Variants in NAALADL2 observed in about 807,000 individuals in gnomAD.
The protein encoded by NAALADL2 is inactive N-acetylated-alpha-linked acidic dipeptidase-like protein 2.
A neutral mutation model predicts 87.2 loss-of-function variants in NAALADL2; 76 were observed. That is an observed-to-expected ratio of 0.87 (90% CI 0.72 to 1.05). NAALADL2 has a LOEUF of 1.05. NAALADL2 is among the 50% of genes least tolerant of loss of function. The pLI, the probability that NAALADL2 is intolerant of heterozygous loss-of-function variation, is 0.00. For synonymous variants in NAALADL2, 354 were observed against 331.0 expected (o/e 1.07, Z -0.75); for missense variants, 1,089 against 945.8 (o/e 1.15, Z -1.99).
intron 1 of NAALADL2, among the ~76,000 whole-genome samples, chr3:174,918,941 T>C (rs1734776335): frequency 6.6e-6 from 1 of 151,806 alleles, no homozygotes; most frequent in South Asian, 2.1e-4. Context: ...ATAAAGCAAA[T>C]ATTACAATAA....
chr3:175,325,459 C>G (rs1424183662), intron 5 of NAALADL2, among the ~76,000 whole-genome samples: 1 of 152,220 alleles, frequency 6.6e-6, no homozygotes, highest in Non-Finnish European at 1.5e-5. Context: ...AGGCATCTAT[C>G]TACAATTTCT....
chr3:175,223,108 G>A (rs982110472), intron 2 of NAALADL2, among the ~76,000 whole-genome samples: 1 of 151,532 alleles, frequency 6.6e-6, no homozygotes, highest in Non-Finnish European at 1.5e-5. Flanking sequence ...GTGTGTGTGT[G>A]TGTGTGTGTG....
At chr3:175,707,882 A>C (rs902620266) in intron 11 of NAALADL2, among the ~76,000 whole-genome samples, 2 of 152,084 alleles carry the variant, frequency 1.3e-5, no homozygotes, top group African/African-American at 4.8e-5. Context: ...GATGGAAAGA[A>C]AAACTGTGGG....
intron 2 of NAALADL2, among the ~76,000 whole-genome samples, chr3:175,148,327 A>G (rs1216737619): frequency 6.6e-6 from 1 of 151,004 alleles, no homozygotes; most frequent in African/African-American, 2.4e-5. Flanking sequence ...TTCTTTATAG[A>G]CTCTGGATAT....
At chr3:175,160,434 C>A (rs1733017984) in intron 2 of NAALADL2, among the ~76,000 whole-genome samples, 2 of 133,866 alleles carry the variant, frequency 1.5e-5, no homozygotes, top group African/African-American at 5.4e-5. Context: ...TGCTCCGCAA[C>A]CTCCACCTCC....
intron 10 of NAALADL2, among the ~76,000 whole-genome samples, chr3:175,620,638 G>A (rs1193611421): frequency 6.6e-6 from 1 of 152,152 alleles, no homozygotes; most frequent in Non-Finnish European, 1.5e-5. Context: ...GAGGGGGTGT[G>A]TTACAGCTCT....
chr3:175,356,567 C>G (rs1219889447), intron 5 of NAALADL2, among the ~76,000 whole-genome samples: 5 of 92,992 alleles, frequency 5.4e-5, no homozygotes, highest in African/African-American at 7.4e-5. Flanking sequence ...AGAGCAAGAC[C>G]CTGTGTCAAA....
At chr3:175,068,383 A>G (rs1478135899) in intron 1 of NAALADL2, among the ~76,000 whole-genome samples, 2 of 152,172 alleles carry the variant, frequency 1.3e-5, no homozygotes, top group African/African-American at 4.8e-5. Context: ...GGGTGATATG[A>G]GAGAAGAAAT....
At chr3:174,858,468 T>A (rs905287621), upstream of NAALADL2, among the ~76,000 whole-genome samples, 1 of 152,082 alleles carries the variant, frequency 6.6e-6, no homozygotes, top group African/African-American at 2.4e-5. Flanking sequence ...TAAGTTAATA[T>A]TCACCATGCT....
At chr3:175,765,440 G>A (rs1748564169) in intron 13 of NAALADL2, among the ~76,000 whole-genome samples, 1 of 151,904 alleles carries the variant, frequency 6.6e-6, no homozygotes, top group South Asian at 2.1e-4. Flanking sequence ...TTAGAACAAA[G>A]AACATACCTC....
At chr3:175,330,854 A>G (rs917248750) in intron 5 of NAALADL2, among the ~76,000 whole-genome samples, 1 of 152,160 alleles carries the variant, frequency 6.6e-6, no homozygotes, top group Non-Finnish European at 1.5e-5. Flanking sequence ...ACAAAACAGC[A>G]ATAAACAGAA....
chr3:175,770,167 T>G (rs1749296213), intron 13 of NAALADL2, among the ~76,000 whole-genome samples: 1 of 152,202 alleles, frequency 6.6e-6, no homozygotes, highest in South Asian at 2.1e-4. Flanking sequence ...CACGTAAAAT[T>G]AATCATCACA....
At chr3:174,575,917 T>G (rs1715477698) in intron 2 of NAALADL2, among the ~76,000 whole-genome samples, 1 of 152,098 alleles carries the variant, frequency 6.6e-6, no homozygotes, top group Admixed American at 6.6e-5. Flanking sequence ...CAGGCTGGAG[T>G]GCAATGTGCG....
chr3:174,825,118 A>T (rs1721841035), intron 3 of NAALADL2, among the ~76,000 whole-genome samples: 1 of 152,174 alleles, frequency 6.6e-6, no homozygotes, highest in Non-Finnish European at 1.5e-5. Flanking sequence ...AACCAGTAGG[A>T]TATGTACAGA....
At chr3:174,678,985 G>A (rs1323581979) in intron 2 of NAALADL2, among the ~76,000 whole-genome samples, 3 of 152,054 alleles carry the variant, frequency 2.0e-5, no homozygotes, top group African/African-American at 4.8e-5. Flanking sequence ...TCTGCAGATA[G>A]TATCTTTCTT....
intron 3 of NAALADL2, among the ~76,000 whole-genome samples, chr3:174,820,306 A>G (rs1223986475): frequency 6.6e-6 from 1 of 152,192 alleles, no homozygotes; most frequent in African/African-American, 2.4e-5. Context: ...GATTTGTAAA[A>G]TTATTAAGTT....
In NAALADL2 at chr3:174,945,498, G is replaced by T. The variant is rs1739277953; in HGVS notation, c.43+86048G>T. 2.0e-5 allele frequency among the ~76,000 whole-genome samples: 3 copies of T among 152,286 alleles called. No homozygotes were observed. In the South Asian group the frequency reaches 6.2e-4, roughly 32 times the overall value. On this transcript the variant is annotated intron_variant, in intron 1 of 13. Transcript: ENST00000454872. The stretch of plus-strand genomic sequence containing the variant: ...CAGCAAAATGAGTTATAGCACCTTT[G>T]GAAAGCAAAAGCTTGAGCTACCCAA...
intron 1 of NAALADL2, among the ~76,000 whole-genome samples, chr3:174,954,100 G>C (rs1387535326): frequency 4.6e-5 from 7 of 152,016 alleles, no homozygotes; most frequent in African/African-American, 1.7e-4. Context: ...GGCCCTATTT[G>C]CAATATTCCT....
chr3:175,082,048 ATG>A (rs146559489), intron 1 of NAALADL2, among the ~76,000 whole-genome samples: 1 of 150,674 alleles, frequency 6.6e-6, no homozygotes, highest in Admixed American at 6.6e-5. Context: ...GTGTATGTGT[ATG>A]TGTGTGTGTG....
Sources: gnomAD v4.1 joint callset for allele counts (sites outside exome capture counted in the v4.1 genomes callset) on GRCh38, gnomAD v4.1.1 for gene constraint, MANE v1.5 for transcripts, NCBI Gene and HGNC (gene_info 2026-07-23, HGNC 2026-07-21) for gene names.